VDR: variants seen among roughly 807,000 people sequenced by gnomAD.
VDR encodes vitamin D3 receptor.
Under a neutral mutation model 39.7 loss-of-function variants are expected in VDR, and 19 were observed. The observed-to-expected ratio is 0.48, with a 90% CI of 0.33 to 0.70. VDR has a LOEUF of 0.70. Among genes scored for constraint, VDR ranks in the 30% least tolerant of loss-of-function variants. VDR has a pLI of 0.02. For synonymous variants in VDR, 242 were observed against 215.8 expected (o/e 1.12, Z -1.07); for missense variants, 442 against 570.5 (o/e 0.77, Z 2.29).
At chr12:47,897,715 C>T (rs527863187) in intron 1 of VDR, among the ~76,000 whole-genome samples, 4 of 152,170 alleles carry the variant, frequency 2.6e-5, no homozygotes, top group Non-Finnish European at 4.4e-5. Flanking sequence ...CCCATGGCAT[C>T]GCCTCTGTTC....
At chr12:47,876,946 G>C (rs909646382) in intron 3 of VDR, among the ~76,000 whole-genome samples, 5 of 152,256 alleles carry the variant, frequency 3.3e-5, no homozygotes, top group Non-Finnish European at 7.3e-5. Context: ...GGAGGAGAGA[G>C]TGGATTTGGG....
chr12:47,885,619 A>G (rs1036642182), intron 1 of VDR, among the ~76,000 whole-genome samples: 3 of 152,280 alleles, frequency 2.0e-5, no homozygotes, highest in Non-Finnish European at 4.4e-5. Flanking sequence ...GGAGTGGACA[A>G]GAAGTCTGAC....
chr12:47,885,340 C>T (rs1428790914), intron 1 of VDR, among the ~76,000 whole-genome samples: 1 of 152,254 alleles, frequency 6.6e-6, no homozygotes, highest in African/African-American at 2.4e-5. Context: ...TAACACGTTT[C>T]CTTCCAGTCA....
chr12:47,890,829 C>T (rs571623922), intron 1 of VDR, among the ~76,000 whole-genome samples: 2 of 152,234 alleles, frequency 1.3e-5, no homozygotes, highest in Admixed American at 6.5e-5. Context: ...TCCCCATCTG[C>T]AGCTACAACT....
chr12:47,889,591 G>A (rs145923213), intron 1 of VDR, among the ~76,000 whole-genome samples: 133 of 152,328 alleles, frequency 8.7e-4, no homozygotes, highest in Middle Eastern at 3.4e-3. Context: ...TCTACTCCAG[G>A]TGGGTCTTCC....
At chr12:47,861,065 C>T (rs1390595170) in intron 4 of VDR, among the ~76,000 whole-genome samples, 2 of 152,224 alleles carry the variant, frequency 1.3e-5, no homozygotes, top group African/African-American at 2.4e-5. Context: ...CAAAGTCACA[C>T]AGCTAACAGT....
intron 4 of VDR, among the ~76,000 whole-genome samples, chr12:47,859,552 A>G (rs1945564159): frequency 1.3e-5 from 2 of 152,142 alleles, no homozygotes; most frequent in African/African-American, 2.4e-5. Context: ...TTCAGTGCCT[A>G]CATCATAGCC....
In VDR at chr12:47,881,827, T is replaced by A. The variant is rs546884792; in HGVS notation, c.-3+867A>T. ...GCACACATTCAAGATGTGGCCAGCA[T>A]CCCGGAGGCCCAATATCATTGTGGG... is the stretch of plus-strand genomic sequence containing the variant. On this transcript the variant is annotated intron_variant, in intron 2 of 9. Coordinates refer to ENST00000549336, the MANE Select transcript of VDR (RefSeq NM_000376.3). Among the ~76,000 whole-genome samples, 4 of 152,250 alleles carry A rather than the reference T, an allele frequency of 2.6e-5. No individual in the cohort carries two copies. The East Asian group carries it at 7.7e-4, about 29-fold the overall frequency.
Position 47,857,147 on chromosome 12 carries a change from G to A in VDR, c.565C>T (p.His189Tyr). The A allele has an allele frequency of 6.2e-7, 1 of 1,614,178 alleles. No homozygotes were observed. Among genetic ancestry groups the A allele is most frequent in the South Asian group, 1.1e-5 (1 of 91,072 alleles). The part of the protein sequence containing the change: ...SGDSSSSCSD[H>Y]CITSSDMMDS... The stretch of plus-strand genomic sequence containing the variant: ...TGCTTACCTGAAGAGGTGATACAGT[G>A]ATCTGAGCAGGAGGAGGAGGAGTCC... Residue 189 changes from histidine to tyrosine, a missense_variant, in exon 6 of 10, where the codon CAC becomes TAC. Around this residue, in one of 5 missense-constraint regions of VDR, gnomAD observed 77 missense variants for 67.4 expected, o/e 1.14. Coordinates refer to ENST00000549336, the MANE Select transcript of VDR (RefSeq NM_000376.3).
chr12:47,878,130 A>G (rs772922389), intron 3 of VDR, among the ~76,000 whole-genome samples: 4 of 152,138 alleles, frequency 2.6e-5, no homozygotes, highest in Non-Finnish European at 5.9e-5. Context: ...TCCTCATTTG[A>G]TGGTTAGAGC....
chr12:47,903,516 C>G (rs1170305677), intron 1 of VDR, among the ~76,000 whole-genome samples: 1 of 152,194 alleles, frequency 6.6e-6, no homozygotes, highest in East Asian at 1.9e-4. Flanking sequence ...AGCACTTGGA[C>G]AGGGAAGGGA....
chr12:47,872,276 T>C (rs1026351017), intron 3 of VDR, among the ~76,000 whole-genome samples: 1 of 152,094 alleles, frequency 6.6e-6, no homozygotes, highest in African/African-American at 2.4e-5. Flanking sequence ...TCAGAGAGGG[T>C]TGTAAGAACT....
chr12:47,846,531 C>T, intron 8 of VDR, 80 bp from the exon 9 acceptor site: 3 of 1,551,388 alleles, frequency 1.9e-6, no homozygotes, highest in Non-Finnish European at 2.6e-6. Flanking sequence ...GTCTGACCCT[C>T]GCCCTTCTCT....
At chr12:47,869,105 T>G (rs778224946) in intron 3 of VDR, among the ~76,000 whole-genome samples, 20 of 152,236 alleles carry the variant, frequency 1.3e-4, no homozygotes, top group Non-Finnish European at 2.4e-4. Context: ...TGAAAAGAGA[T>G]TCCACTGCTT....
At chr12:47,881,720 GA>G (rs1422868397) in intron 2 of VDR, among the ~76,000 whole-genome samples, 1 of 152,112 alleles carries the variant, frequency 6.6e-6, no homozygotes, top group Non-Finnish European at 1.5e-5. Context: ...ATTAAAAATA[GA>G]AAAAGTGCTT....
Position 47,857,695 on chromosome 12 carries a change from G to T in VDR, c.278-7C>A, listed in dbSNP as rs1231293948. On this transcript the variant is annotated splice_polypyrimidine_tract_variant and splice_region_variant and intron_variant, in intron 4 of 9. Coordinates refer to ENST00000549336, the MANE Select transcript of VDR (RefSeq NM_000376.3). ...TCCTCATCTGTCAGAATGACTGTGG[G>T]GTGGGAAGGGGAGTCAGGAGGGCTG... The T allele has an allele frequency of 1.9e-6, 3 of 1,611,998 alleles. No homozygotes were observed. The South Asian group carries it at 3.3e-5, about 18-fold the overall frequency.
chr12:47,846,648 T>C lies in VDR; in HGVS notation c.907+9A>G. ...AAAAGACTCCCCAGGAGGTGGAGTC[T>C]AGGCATACCTTTGGTCACGTCACTG... On this transcript the variant is annotated intron_variant, in intron 8 of 9. Transcript: ENST00000549336. 6.8e-6 allele frequency: 11 copies of C among 1,613,310 alleles called. No homozygotes were observed. Among genetic ancestry groups the C allele is most frequent in the Non-Finnish European group, 8.5e-6 (10 of 1,180,034 alleles).
chr12:47,879,500 C>T (rs1440024431), intron 2 of VDR, among the ~76,000 whole-genome samples: 1 of 152,200 alleles, frequency 6.6e-6, no homozygotes, highest in East Asian at 1.9e-4. Context: ...CTAGCTCTGC[C>T]TCAGGCACAG....
At position 47,848,124 on chromosome 12, in the gene VDR, G is replaced by A. The variant is rs866993507; in HGVS notation, c.756-1316C>T. 2.4e-4 allele frequency among the ~76,000 whole-genome samples: 37 copies of A among 152,190 alleles called. 1 individual carries two copies. The Middle Eastern group carries it at 0.01, about 42-fold the overall frequency. ...TCACAGTGTTAGCCAGGATGGTCTC[G>A]ATCTCCTGACCTTGTGATCTGCCTG... On this transcript the variant is annotated intron_variant, in intron 7 of 9. Coordinates refer to ENST00000549336, the MANE Select transcript of VDR (RefSeq NM_000376.3).
Sources: allele counts gnomAD v4.1 joint callset (sites outside exome capture counted in the v4.1 genomes callset), GRCh38; gene constraint gnomAD v4.1.1; regional missense constraint gnomAD v4.1.1; transcripts MANE v1.5; gene names NCBI Gene and HGNC (gene_info 2026-07-23, HGNC 2026-07-21).